Variants in ANO9 observed in about 807,000 individuals in gnomAD.
The protein encoded by ANO9 is anoctamin 9, also known as anoctamin-9.
In ANO9, 80 loss-of-function variants were observed where a neutral mutation model predicts 100.5. The observed-to-expected ratio is 0.80, with a 90% CI of 0.66 to 0.96. ANO9 has a LOEUF of 0.96. ANO9 is among the 40% of genes least tolerant of loss of function. The probability of loss-of-function intolerance (pLI) is 0.00; values close to 1 mark genes in which losing one functional copy is unlikely to be tolerated. For missense variants in ANO9, 1,064 were observed against 1,072.7 expected (o/e 0.99, Z 0.11); for synonymous variants, 473 against 435.6 (o/e 1.09, Z -1.07).
At chr11:428,692 T>C in intron 12 of ANO9, 30 bp downstream of exon 12, 1 of 1,612,436 alleles carries the variant, frequency 6.2e-7, no homozygotes, top group South Asian at 1.1e-5. Flanking sequence ...AGCCCGGGTC[T>C]CCAGCCCCAC....
At position 432,113 on chromosome 11, in the gene ANO9, C is replaced by G. The variant is rs971822159; in HGVS notation, c.351-59G>C. 1 of 1,588,536 alleles carries G rather than the reference C, an allele frequency of 6.3e-7. No individual in the cohort carries two copies. Among genetic ancestry groups the G allele is most frequent in the South Asian group, 1.1e-5 (1 of 90,186 alleles). ...CACAGTGGACCCTGCCTCCAGGTCT[C>G]AACCTGCCCTCTGGTCTGGCCAGGC... is the stretch of plus-strand genomic sequence containing the variant. On this transcript the variant is annotated intron_variant, in intron 4 of 22. Coordinates refer to ENST00000332826, the MANE Select transcript of ANO9 (RefSeq NM_001012302.3). The surrounding 1 kb of genome is among the most constrained non-coding windows in gnomAD (Gnocchi z 4.8).
At chr11:427,388 T>A (rs1848580914) in intron 15 of ANO9, among the ~76,000 whole-genome samples, 1 of 152,052 alleles carries the variant, frequency 6.6e-6, no homozygotes, top group African/African-American at 2.4e-5. Context: ...CCCTCTCACC[T>A]CGCCTTCCTA....
chr11:433,752 C>T (rs989266401), intron 3 of ANO9, 63 bp downstream of exon 3: 1 of 1,516,846 alleles, frequency 6.6e-7, no homozygotes, highest in African/African-American at 1.4e-5. Flanking sequence ...CCCCATGGCC[C>T]TGCCCCTCGC....
In ANO9 at chr11:418,981, T is replaced by A. The variant is rs1848008726; in HGVS notation, c.1943A>T (p.Lys648Met). 1 of 1,613,052 alleles carries A rather than the reference T, an allele frequency of 6.2e-7. No homozygotes were observed. The highest frequency in any genetic ancestry group is 1.7e-5 in the Admixed American group (1 of 59,978). Reference protein sequence around the residue: ...KEGNSTVDCLKGYVNHSLSVF... With the variant: ...KEGNSTVDCLMGYVNHSLSVF... ...GGACAGGCTGTGGTTGACGTAGCCC[T>A]TGAGGCAGCTGGGGAGAGGGGAGAG... Residue 648 changes from lysine to methionine, a missense_variant, in exon 21 of 23, where the codon AAG becomes ATG. Lys to Met is a moderately conservative substitution (Grantham distance 95, BLOSUM62 -1). Transcript: ENST00000332826.
intron 1 of ANO9, chr11:440,559 G>A (rs1262601841): frequency 6.6e-6 from 1 of 152,506 alleles, no homozygotes; most frequent in Non-Finnish European, 1.5e-5. Flanking sequence ...CCCTGCTCCT[G>A]GGAGGTCACC....
At chr11:419,268 C>T in intron 20 of ANO9, 1 of 1,417,376 alleles carries the variant, frequency 7.1e-7, no homozygotes, top group Non-Finnish European at 9.2e-7. Flanking sequence ...GGTCAGAGAG[C>T]TGGATAAATC....
At chr11:436,998 G>GTGAGCGGGGAGTGAGCTGGAGA (rs1849651964) in intron 1 of ANO9, among the ~76,000 whole-genome samples, 1 of 102,902 alleles carries the variant, frequency 9.7e-6, no homozygotes, top group Non-Finnish European at 2.0e-5. Flanking sequence ...TGAGCGGGAG[G>GTGAGCGGGGAGTGAGCTGGAGA]TGAGCGGGGA....
In ANO9 at chr11:418,485, C is replaced by T. The variant is rs1243859106; in HGVS notation, c.2235G>A (p.Glu745=). The T allele has an allele frequency of 5.6e-6, 9 of 1,613,046 alleles. No homozygotes were observed. Among genetic ancestry groups the T allele is most frequent in the Non-Finnish European group, 7.6e-6 (9 of 1,180,014 alleles). The change falls in exon 23 of 23, where the codon GAG becomes GAA. Residue 745 remains glutamate (E), a synonymous_variant. Transcript: ENST00000332826. ...VLEVKYQRLR[E]KMWHGRQRLG... Reference sequence around the variant, plus strand: ...GCCTCTGCCTTCCATGCCACATCTTCTCACGCAGCCTCTGGTACTTCACCT... The same window carrying T: ...GCCTCTGCCTTCCATGCCACATCTTTTCACGCAGCCTCTGGTACTTCACCT...
chr11:426,128 T>G (rs1848507921), intron 15 of ANO9, among the ~76,000 whole-genome samples: 1 of 152,328 alleles, frequency 6.6e-6, no homozygotes, highest in African/African-American at 2.4e-5. Flanking sequence ...TGTGGGTAGC[T>G]TTGTCACTGA....
chr11:432,521 G>A lies in ANO9; in HGVS notation c.351-467C>T, dbSNP rs1292820937. The A allele has an allele frequency of 6.3e-6, 1 of 159,966 alleles. No homozygotes were observed. The highest frequency in any genetic ancestry group is 1.4e-5 in the Non-Finnish European group (1 of 73,366). The allele number at this position is 159,966 out of a possible 1,614,324, so 9.9% of individuals were successfully genotyped here. A position where few individuals can be genotyped will look rare whatever the true frequency, so the allele number is the denominator to read the frequency against. On this transcript the variant is annotated intron_variant, in intron 4 of 22. Coordinates refer to ENST00000332826, the MANE Select transcript of ANO9 (RefSeq NM_001012302.3). This position sits in a 1 kb window ranked among gnomAD's most constrained non-coding sequence, Gnocchi z 4.8. The stretch of plus-strand genomic sequence containing the variant: ...CACAGCCATGAAGCGGCACAGCCAA[G>A]CGTCCGACGGCAGAGCCGGGCTCCC...
chr11:421,342 C>T lies in ANO9; in HGVS notation c.1335-144G>A. On this transcript the variant is annotated intron_variant, in intron 15 of 22. Transcript: ENST00000332826. The surrounding 1 kb of genome is among the most constrained non-coding windows in gnomAD (Gnocchi z 6.8). The stretch of plus-strand genomic sequence containing the variant: ...TGAGCGGGGCACAGGTGCTCACACC[C>T]AGATGAACCGCACCCGCACGTGGGC... 1 of 789,004 alleles carries T rather than the reference C, an allele frequency of 1.3e-6. No individual in the cohort carries two copies. 48.9% of individuals were successfully genotyped at this position (789,004 alleles called of 1,614,324 possible). A position where few individuals can be genotyped will look rare whatever the true frequency, so the allele number is the denominator to read the frequency against.
At position 423,762 on chromosome 11, in the gene ANO9, C is replaced by T. The variant is rs561651800; in HGVS notation, c.1335-2564G>A. On this transcript the variant is annotated intron_variant, in intron 15 of 22. Coordinates refer to ENST00000332826, the MANE Select transcript of ANO9 (RefSeq NM_001012302.3). The stretch of plus-strand genomic sequence containing the variant: ...CCCAGGCTGGTCTTGAACTCCCAGC[C>T]TCAAGTAATCCTCCTACCTTGGCCT... Among the ~76,000 whole-genome samples the T allele has an allele frequency of 7.9e-5, 12 of 152,150 alleles. No individual in the cohort carries two copies. The East Asian group carries it at 2.3e-3, about 29-fold the overall frequency.
At chr11:420,900 G>A (rs112560487) in intron 17 of ANO9, 40 bp from the exon 18 acceptor site, 8 of 1,594,602 alleles carry the variant, frequency 5.0e-6, no homozygotes, top group Non-Finnish European at 6.0e-6. Flanking sequence ...CGCAGGGGGC[G>A]GAGGGGCCTG....
intron 20 of ANO9, 165 bp from the exon 21 acceptor site, chr11:419,154 T>C: frequency 6.9e-7 from 1 of 1,449,754 alleles, no homozygotes; most frequent in South Asian, 1.4e-5. Flanking sequence ...CATCTTCACA[T>C]CCGGGGGCCT....
At chr11:428,687 G>T (rs757832229) in intron 12 of ANO9, 35 bp downstream of exon 12, 1 of 1,612,396 alleles carries the variant, frequency 6.2e-7, no homozygotes, top group Non-Finnish European at 8.5e-7. Flanking sequence ...CATGCAGCCC[G>T]GGTCTCCAGC....
At chr11:441,408 C>G (rs958279752) in intron 1 of ANO9, among the ~76,000 whole-genome samples, 1 of 152,166 alleles carries the variant, frequency 6.6e-6, no homozygotes, top group African/African-American at 2.4e-5. Context: ...AGTCGGCCCC[C>G]ACCTGTGCTG....
At position 428,193 on chromosome 11, in the gene ANO9, G is replaced by A. The variant is rs1002574648; in HGVS notation, c.1229C>T (p.Pro410Leu). 4 of 1,612,094 alleles carry A rather than the reference G, an allele frequency of 2.5e-6. No homozygotes were observed. Among genetic ancestry groups the A allele is most frequent in the Non-Finnish European group, 3.4e-6 (4 of 1,179,676 alleles). ...VALKLCDFEM[P>L]RTFSERESRF... The stretch of plus-strand genomic sequence containing the variant: ...GCTCTCTCGCTCCGAGAAGGTCCTG[G>A]GCATCTCTGGAATGGGACCGGCCCT... The change falls in exon 15 of 23, where the codon CCC becomes CTC. Residue 410 changes from proline to leucine, a missense_variant. Coordinates refer to ENST00000332826, the MANE Select transcript of ANO9 (RefSeq NM_001012302.3).
intron 19 of ANO9, chr11:420,220 C>T (rs1169811718): frequency 3.5e-6 from 5 of 1,414,730 alleles, no homozygotes; most frequent in Non-Finnish European, 4.6e-6. Flanking sequence ...TTGGGGGCGT[C>T]AAGCCCCTCT....
intron 20 of ANO9, 177 bp downstream of exon 20, chr11:419,405 C>T: frequency 7.0e-7 from 1 of 1,426,650 alleles, no homozygotes; most frequent in Non-Finnish European, 9.1e-7. Context: ...ACCTCCAGCC[C>T]AGGGCCTGCC....
Sources: allele counts gnomAD v4.1 joint callset (sites outside exome capture counted in the v4.1 genomes callset), GRCh38; gene constraint gnomAD v4.1.1; non-coding constraint Gnocchi (gnomAD v3.1); transcripts MANE v1.5; gene names NCBI Gene and HGNC (gene_info 2026-07-23, HGNC 2026-07-21).